RAP1GAP2: variants seen among roughly 807,000 people sequenced by gnomAD.
RAP1GAP2 encodes the protein rap1 GTPase-activating protein 2.
In RAP1GAP2, 27 loss-of-function variants were observed where a neutral mutation model predicts 95.0. The observed-to-expected ratio is 0.28, with a 90% CI of 0.21 to 0.39. The LOEUF (loss-of-function observed/expected upper bound fraction) is 0.39. Among genes scored for constraint, RAP1GAP2 ranks in the 10% least tolerant of loss-of-function variants. The probability of loss-of-function intolerance (pLI) is 1.00; values close to 1 mark genes in which losing one functional copy is unlikely to be tolerated. For missense variants in RAP1GAP2, 771 were observed against 970.0 expected (o/e 0.79, Z 2.72); for synonymous variants, 373 against 380.9 (o/e 0.98, Z 0.24).
intron 2 of RAP1GAP2, among the ~76,000 whole-genome samples, chr17:2,879,396 G>A (rs945488367): frequency 6.6e-6 from 1 of 152,120 alleles, no homozygotes; most frequent in Non-Finnish European, 1.5e-5. Context: ...GATTACAGGC[G>A]TGAGCCACTG....
In RAP1GAP2 at chr17:3,036,572, C is replaced by A. The variant is rs1422147002; in HGVS notation, c.*3211C>A. ...CTTGGGCTTTGGATGCAGCTTGAACCAAGAAAACGAGGAGGGAAAGGGATT... is the reference window on the plus strand; with the variant it reads ...CTTGGGCTTTGGATGCAGCTTGAACAAAGAAAACGAGGAGGGAAAGGGATT... On this transcript the variant is annotated 3_prime_UTR_variant, in exon 25 of 25. Coordinates refer to ENST00000254695, the MANE Select transcript of RAP1GAP2 (RefSeq NM_015085.5). 1.3e-5 allele frequency: 2 copies of A among 152,214 alleles called. No homozygotes were observed. The highest frequency in any genetic ancestry group is 2.9e-5 in the Non-Finnish European group (2 of 68,094). The allele number at this position is 152,214 out of a possible 1,614,324, so 9.4% of individuals were successfully genotyped here. A position where few individuals can be genotyped will look rare whatever the true frequency, so the allele number is the denominator to read the frequency against.
Position 2,965,302 on chromosome 17 carries a change from C to T in RAP1GAP2, c.493-238C>T, listed in dbSNP as rs1464571707. On this transcript the variant is annotated intron_variant, in intron 7 of 24. Coordinates refer to ENST00000254695, the MANE Select transcript of RAP1GAP2 (RefSeq NM_015085.5). The surrounding 1 kb of genome is among the most constrained non-coding windows in gnomAD (Gnocchi z 4.7). ...GTGAAATGGGGATGATGTTCTCTCC[C>T]GGATACAGCTGTGGTCAGGACTGAA... 1.3e-5 allele frequency: 7 copies of T among 539,740 alleles called. 1 individual carries two copies. The East Asian group carries it at 1.9e-4, about 15-fold the overall frequency. The allele number at this position is 539,740 out of a possible 1,614,324, so 33.4% of individuals were successfully genotyped here. A position where few individuals can be genotyped will look rare whatever the true frequency, so the allele number is the denominator to read the frequency against.
At chr17:2,900,393 T>C (rs768866457) in intron 2 of RAP1GAP2, among the ~76,000 whole-genome samples, 4 of 152,156 alleles carry the variant, frequency 2.6e-5, no homozygotes, top group South Asian at 2.1e-4. Context: ...ATGGTCTACA[T>C]TGATATAGAA....
In RAP1GAP2 at chr17:2,847,197, C is replaced by T. The variant is rs1424974332; in HGVS notation, c.80+46647C>T. 5.3e-5 allele frequency among the ~76,000 whole-genome samples: 8 copies of T among 152,206 alleles called. No individual in the cohort carries two copies. The South Asian group carries it at 1.2e-3, about 24-fold the overall frequency. On this transcript the variant is annotated intron_variant, in intron 2 of 24. Coordinates refer to ENST00000254695, the MANE Select transcript of RAP1GAP2 (RefSeq NM_015085.5). ...CTAATTTTTGTATTTTGAGTAGAGA[C>T]GGGGTTTCACCATGTTGGCCAGACT... is the stretch of plus-strand genomic sequence containing the variant.
chr17:2,854,874 G>A (rs1250618618), intron 2 of RAP1GAP2, among the ~76,000 whole-genome samples: 1 of 152,210 alleles, frequency 6.6e-6, no homozygotes, highest in Admixed American at 6.5e-5. Flanking sequence ...AGAGCCTCCA[G>A]CAATGGGGGG....
chr17:2,960,137 A>AAAAAC (rs1231377437), intron 4 of RAP1GAP2, among the ~76,000 whole-genome samples: 1 of 151,354 alleles, frequency 6.6e-6, no homozygotes, highest in African/African-American at 2.4e-5. Context: ...AAAAAAAAAA[A>AAAAAC]AAAACAACAA....
chr17:2,805,249 G>A lies in RAP1GAP2; in HGVS notation c.80+4699G>A, dbSNP rs149582061. 7.5e-3 allele frequency among the ~76,000 whole-genome samples: 1,135 copies of A among 152,302 alleles called. 10 individuals carry two copies. Among genetic ancestry groups the A allele is most frequent in the Non-Finnish European group, 0.011 (771 of 68,018 alleles). ...CCAGTCCGCTCTGGGGGCCAGCTGG[G>A]CATGAGGTCCCTGTCGGGCAGGTGC... On this transcript the variant is annotated intron_variant, in intron 2 of 24. Coordinates refer to ENST00000254695, the MANE Select transcript of RAP1GAP2 (RefSeq NM_015085.5).
intron 2 of RAP1GAP2, among the ~76,000 whole-genome samples, chr17:2,830,585 G>A (rs545466342): frequency 4.6e-5 from 7 of 151,556 alleles, no homozygotes; most frequent in Admixed American, 6.6e-5. Context: ...GTGGTGGCGG[G>A]CGCCTGTAGT....
intron 8 of RAP1GAP2, among the ~76,000 whole-genome samples, chr17:2,977,746 TAAAAAAAA>T (rs35219186): frequency 2.6e-5 from 2 of 76,856 alleles, no homozygotes; most frequent in Admixed American, 3.3e-4. Context: ...GACTCCGTCT[TAAAAAAAA>T]AAAAAAAAAA....
chr17:2,801,737 C>T (rs2069308874), intron 2 of RAP1GAP2, among the ~76,000 whole-genome samples: 1 of 151,772 alleles, frequency 6.6e-6, no homozygotes, highest in South Asian at 2.1e-4. Context: ...CCACGCCAGA[C>T]TCAGGGTGTG....
rs187444727 is a variant in RAP1GAP2 at position 2,763,767 on chromosome 17, G to A, written c.51-6562G>A. Among the ~76,000 whole-genome samples, 514 of 151,626 alleles carry A rather than the reference G, an allele frequency of 3.4e-3. 5 individuals carry two copies. Among genetic ancestry groups the A allele is most frequent in the African/African-American group, 0.011 (474 of 41,342 alleles). On this transcript the variant is annotated intron_variant, in intron 1 of 25. Coordinates refer to the RAP1GAP2 transcript ENST00000637138. Reference sequence around the variant, plus strand: ...CCTCTGGGAGATGGGGGTGGAGAGCGGGAGGAGGGGAGGGGAGGCTGGGTG... The same window carrying A: ...CCTCTGGGAGATGGGGGTGGAGAGCAGGAGGAGGGGAGGGGAGGCTGGGTG...
exon 2 of RAP1GAP2, chr17:2,770,345 C>G (rs528705300): frequency 2.5e-6 from 1 of 398,554 alleles, no homozygotes; most frequent in African/African-American, 2.1e-5. Context: ...GCAGGAAGGG[C>G]GGTTCCGAAT....
intron 2 of RAP1GAP2, among the ~76,000 whole-genome samples, chr17:2,886,161 G>GTGTGTA (rs1474586782): frequency 2.7e-4 from 34 of 124,668 alleles, no homozygotes; most frequent in Middle Eastern, 4.0e-3. Flanking sequence ...GTGTGTGTGT[G>GTGTGTA]TATATATATA....
upstream of RAP1GAP2, among the ~76,000 whole-genome samples, chr17:2,776,825 G>A (rs1332988497): frequency 1.7e-5 from 1 of 57,684 alleles, no homozygotes; most frequent in Non-Finnish European, 3.3e-5. Context: ...CGCCGCCCCG[G>A]AGGAGGAGGA....
intron 1 of RAP1GAP2, among the ~76,000 whole-genome samples, chr17:2,757,209 C>T (rs1287530386): frequency 6.6e-6 from 1 of 152,188 alleles, no homozygotes; most frequent in African/African-American, 2.4e-5. Flanking sequence ...GCCTCCACCT[C>T]CCAGGCTCAA....
rs1383957401 is a variant in RAP1GAP2, at chr17:2,852,901, C to A, written c.80+52351C>A. Among the ~76,000 whole-genome samples, 34 of 152,030 alleles carry A rather than the reference C, an allele frequency of 2.2e-4. 1 individual carries two copies. The highest frequency in any genetic ancestry group is 2.2e-3 in the Admixed American group (34 of 15,272). On this transcript the variant is annotated intron_variant, in intron 2 of 24. Coordinates refer to ENST00000254695, the MANE Select transcript of RAP1GAP2 (RefSeq NM_015085.5). ...GACCTTCCGACCTTCCGACCTTCCG[C>A]CCTTCCTTTCCGAAGGAGATGAGGC...
At chr17:2,843,816 T>C (rs1322112966) in intron 2 of RAP1GAP2, among the ~76,000 whole-genome samples, 1 of 152,038 alleles carries the variant, frequency 6.6e-6, no homozygotes, top group East Asian at 1.9e-4. Flanking sequence ...TTTCCCCCTG[T>C]GATTGGGAGG....
chr17:3,022,267 C>T (rs867031186), intron 19 of RAP1GAP2, among the ~76,000 whole-genome samples: 54 of 152,136 alleles, frequency 3.5e-4, no homozygotes, highest in African/African-American at 1.3e-3. Context: ...CAAATAATAA[C>T]AGATGTCAGG....
In RAP1GAP2 at chr17:3,029,912, T is replaced by G. The variant is rs2047238792; in HGVS notation, c.2108-1010T>G. Among the ~76,000 whole-genome samples the G allele has an allele frequency of 6.6e-6, 1 of 152,048 alleles. No homozygotes were observed. The highest frequency in any genetic ancestry group is 1.5e-5 in the Non-Finnish European group (1 of 68,028). ...ATATGTCCAACTGATTCTCACAGAATGCTTTTAGTGGTGTTTGCTTCACCT... is the reference window on the plus strand; with the variant it reads ...ATATGTCCAACTGATTCTCACAGAAGGCTTTTAGTGGTGTTTGCTTCACCT... On this transcript the variant is annotated intron_variant, in intron 22 of 24. Coordinates refer to ENST00000254695, the MANE Select transcript of RAP1GAP2 (RefSeq NM_015085.5). The surrounding 1 kb of genome is among the most constrained non-coding windows in gnomAD (Gnocchi z 4.4).
Sources: allele counts gnomAD v4.1 joint callset (sites outside exome capture counted in the v4.1 genomes callset), GRCh38; gene constraint gnomAD v4.1.1; non-coding constraint Gnocchi (gnomAD v3.1); transcripts MANE v1.5; gene names NCBI Gene and HGNC (gene_info 2026-07-23, HGNC 2026-07-21).